Variants in CNOT2 observed in about 807,000 individuals in gnomAD.
CNOT2 encodes CC chemokine receptor 4-negative regulator of transcription 2.
CNOT2 carries 7 observed loss-of-function variants against 72.1 expected under a neutral mutation model. The observed-to-expected ratio is 0.10, with a 90% CI of 0.06 to 0.18. The LOEUF (loss-of-function observed/expected upper bound fraction) is 0.18, where lower values mean the gene tolerates loss of function less well. Ranked by LOEUF, CNOT2 falls within the 10% of genes least tolerant of loss-of-function variation. The pLI is 1.00. For missense variants in CNOT2, 345 were observed against 660.3 expected (o/e 0.52, Z 5.23); for synonymous variants, 196 against 225.6 (o/e 0.87, Z 1.17).
chr12:70,271,343 A>T (rs1355228667), intron 1 of CNOT2, among the ~76,000 whole-genome samples: 3 of 144,988 alleles, frequency 2.1e-5, no homozygotes, highest in Non-Finnish European at 3.0e-5. Flanking sequence ...GAGGGATAGG[A>T]TTACCAAATT....
chr12:70,328,353 A>G (rs1048521169), intron 4 of CNOT2, among the ~76,000 whole-genome samples: 4 of 151,932 alleles, frequency 2.6e-5, no homozygotes, highest in African/African-American at 7.2e-5. Flanking sequence ...TCATCTACTT[A>G]CTGATTAGTT....
intron 1 of CNOT2, among the ~76,000 whole-genome samples, chr12:70,251,669 T>C (rs17107870): frequency 0.14 from 21,934 of 152,200 alleles, 1,920 homozygotes; most frequent in Admixed American, 0.28. Context: ...TTTTGAAAGA[T>C]TATTTTCTCT....
intron 1 of CNOT2, among the ~76,000 whole-genome samples, chr12:70,277,748 A>G (rs1243651912): frequency 6.6e-6 from 1 of 152,198 alleles, no homozygotes; most frequent in African/African-American, 2.4e-5. Context: ...TTATAGTTAA[A>G]TGATTGAATG....
intron 1 of CNOT2, among the ~76,000 whole-genome samples, chr12:70,277,533 A>G (rs1869051955): frequency 6.6e-6 from 1 of 152,158 alleles, no homozygotes; most frequent in Admixed American, 6.5e-5. Flanking sequence ...CAAAAGCATC[A>G]AAGGAAGTTG....
intron 15 of CNOT2, chr12:70,346,534 G>A: frequency 2.5e-6 from 1 of 393,778 alleles, no homozygotes; most frequent in Non-Finnish European, 4.5e-6. Context: ...AATTTGGTAA[G>A]AGGTTTTGTA....
At chr12:70,326,732 AT>A (rs1362645341) in intron 4 of CNOT2, among the ~76,000 whole-genome samples, 2 of 151,936 alleles carry the variant, frequency 1.3e-5, no homozygotes, top group African/African-American at 4.8e-5. Flanking sequence ...ATTATTAAGT[AT>A]TCAGGGGTTG....
chr12:70,312,934 T>C (rs1392420972), intron 3 of CNOT2, among the ~76,000 whole-genome samples: 1 of 152,002 alleles, frequency 6.6e-6, no homozygotes, highest in Non-Finnish European at 1.5e-5. Context: ...AAATTCTAAT[T>C]TTATGCTTTA....
chr12:70,338,914 C>A, intron 11 of CNOT2, 92 bp downstream of exon 11: 1 of 1,057,898 alleles, frequency 9.5e-7, no homozygotes, highest in Non-Finnish European at 1.4e-6. Flanking sequence ...TCACCTACTG[C>A]TACTCATTGT....
At chr12:70,247,064 G>T (rs993198281) in intron 1 of CNOT2, among the ~76,000 whole-genome samples, 2 of 151,910 alleles carry the variant, frequency 1.3e-5, no homozygotes, top group Non-Finnish European at 2.9e-5. Context: ...GGCACTTCAG[G>T]GTTTTGTATA....
intron 15 of CNOT2, chr12:70,346,583 G>C (rs945787927): frequency 3.4e-6 from 1 of 290,906 alleles, no homozygotes; most frequent in South Asian, 1.1e-4. Context: ...AATATTTTTT[G>C]TGTCTACTGC....
chr12:70,348,541 A>G (rs963652486), intron 15 of CNOT2, among the ~76,000 whole-genome samples: 1 of 152,186 alleles, frequency 6.6e-6, no homozygotes, highest in African/African-American at 2.4e-5. Flanking sequence ...AGTTTTCTCC[A>G]TTCAATTTGA....
At chr12:70,309,010 C>T (rs1181387931) in intron 2 of CNOT2, among the ~76,000 whole-genome samples, 1 of 152,096 alleles carries the variant, frequency 6.6e-6, no homozygotes, top group East Asian at 1.9e-4. Context: ...AAAAAACAAA[C>T]TTCTAAAATC....
chr12:70,250,561 A>G (rs1435393376), intron 1 of CNOT2, among the ~76,000 whole-genome samples: 1 of 152,094 alleles, frequency 6.6e-6, no homozygotes, highest in Non-Finnish European at 1.5e-5. Flanking sequence ...AAATAAACAT[A>G]ATTTCAGGTA....
At chr12:70,300,617 C>T (rs59665852) in intron 2 of CNOT2, among the ~76,000 whole-genome samples, 21,931 of 152,134 alleles carry the variant, frequency 0.14, 1,920 homozygotes, top group Admixed American at 0.28. Flanking sequence ...GTTTTGGTTA[C>T]TGTAGCCTTG....
intron 4 of CNOT2, chr12:70,324,096 CTA>C (rs1305207126): frequency 1.3e-5 from 2 of 151,776 alleles, no homozygotes; most frequent in Admixed American, 1.3e-4. Flanking sequence ...GTAAGAGTAA[CTA>C]TGTGAACATG....
intron 6 of CNOT2, chr12:70,331,614 T>C (rs1040659199): frequency 1.3e-5 from 2 of 151,930 alleles, no homozygotes; most frequent in African/African-American, 4.8e-5. Context: ...TAAATTGTTT[T>C]CATCTCTGAG....
chr12:70,276,200 G>C (rs1453838223), intron 1 of CNOT2, among the ~76,000 whole-genome samples: 2 of 151,808 alleles, frequency 1.3e-5, no homozygotes, highest in Non-Finnish European at 2.9e-5. Context: ...TATTGTTGTG[G>C]TGTTAGCCTA....
intron 9 of CNOT2, 149 bp downstream of exon 9, chr12:70,337,662 T>C: frequency 1.1e-6 from 1 of 871,150 alleles, no homozygotes; most frequent in Non-Finnish European, 1.8e-6. Flanking sequence ...GGAAAAGCTT[T>C]ATAACTTAGA....
intron 15 of CNOT2, among the ~76,000 whole-genome samples, chr12:70,350,913 G>T (rs934206790): frequency 8.5e-5 from 13 of 152,084 alleles, no homozygotes; most frequent in Non-Finnish European, 8.8e-5. Context: ...TACATAACTA[G>T]ATCAGTGATT....
Sources: gnomAD v4.1 joint callset for allele counts (sites outside exome capture counted in the v4.1 genomes callset) on GRCh38, gnomAD v4.1.1 for gene constraint, MANE v1.5 for transcripts, NCBI Gene and HGNC (gene_info 2026-07-23, HGNC 2026-07-21) for gene names.